The following UNC13C variants were observed in gnomAD, a reference collection of about 807,000 sequenced individuals.
The protein encoded by UNC13C is protein unc-13 homolog C.
Under a neutral mutation model 245.4 loss-of-function variants are expected in UNC13C, and 174 were observed. That is an observed-to-expected ratio of 0.71 (90% CI 0.63 to 0.80). UNC13C has a LOEUF of 0.80. Among genes scored for constraint, UNC13C ranks in the 30% least tolerant of loss-of-function variants. The pLI is 0.00. For synonymous variants in UNC13C, 992 were observed against 895.1 expected (o/e 1.11, Z -1.93); for missense variants, 2,829 against 2,602.9 (o/e 1.09, Z -1.89).
At chr15:54,616,861 A>C (rs532058410) in intron 30 of UNC13C, among the ~76,000 whole-genome samples, 5 of 152,150 alleles carry the variant, frequency 3.3e-5, no homozygotes, top group African/African-American at 1.2e-4. Flanking sequence ...TTTCAATCCC[A>C]CAAGCTCCAT....
At chr15:53,851,839 G>A in the UNC13C span, among the ~76,000 whole-genome samples, 2 of 152,232 alleles carry the variant, frequency 1.3e-5, no homozygotes, top group Non-Finnish European at 2.9e-5. Flanking sequence ...AACATGTGGA[G>A]GTTGCTGGAA....
chr15:53,902,713 A>C, the UNC13C span, among the ~76,000 whole-genome samples: 1 of 152,220 alleles, frequency 6.6e-6, no homozygotes, highest in Non-Finnish European at 1.5e-5. Context: ...AAAATTTGGA[A>C]TGATAGAAGC....
intron 4 of UNC13C, among the ~76,000 whole-genome samples, chr15:54,169,254 C>T (rs746905015): frequency 6.6e-6 from 1 of 152,134 alleles, no homozygotes; most frequent in Non-Finnish European, 1.5e-5. Flanking sequence ...ATTTCCCAAG[C>T]CTATTTGATA....
intron 17 of UNC13C, among the ~76,000 whole-genome samples, chr15:54,358,978 A>G (rs950979091): frequency 2.6e-5 from 4 of 151,914 alleles, no homozygotes; most frequent in African/African-American, 9.7e-5. Flanking sequence ...ATTGTGTTGA[A>G]GTATATTACT....
At chr15:54,624,063 G>GT in intron 32 of UNC13C, 109 bp downstream of exon 32, 1 of 1,357,618 alleles carries the variant, frequency 7.4e-7, no homozygotes, top group Non-Finnish European at 1.0e-6. Context: ...AGAAGGCTCT[G>GT]TTTTTAGTTC....
intron 19 of UNC13C, among the ~76,000 whole-genome samples, chr15:54,448,312 C>T (rs576276878): frequency 1.3e-5 from 2 of 152,248 alleles, no homozygotes; most frequent in South Asian, 2.1e-4. Flanking sequence ...GAGCTGAGTT[C>T]AATTCCTGGA....
At chr15:54,415,345 T>C (rs1445355238) in intron 19 of UNC13C, among the ~76,000 whole-genome samples, 2 of 152,164 alleles carry the variant, frequency 1.3e-5, no homozygotes, top group South Asian at 2.1e-4. Context: ...TACTTTATGG[T>C]AGTTCATTTA....
At chr15:54,026,951 C>G (rs1190083230) in intron 2 of UNC13C, among the ~76,000 whole-genome samples, 1 of 152,090 alleles carries the variant, frequency 6.6e-6, no homozygotes, top group Non-Finnish European at 1.5e-5. Flanking sequence ...TTGTTTCCAA[C>G]TTTGATAATG....
At chr15:54,455,164 C>CCT (rs1203605020) in intron 19 of UNC13C, among the ~76,000 whole-genome samples, 262 of 17,470 alleles carry the variant, frequency 0.015, 11 homozygotes, top group Non-Finnish European at 0.019. Context: ...GAGTCATATT[C>CCT]CTCTCTCTCT....
chr15:53,875,092 A>G, the UNC13C span, among the ~76,000 whole-genome samples: 1 of 140,266 alleles, frequency 7.1e-6, no homozygotes, highest in African/African-American at 2.6e-5. Flanking sequence ...ACTCCGTCTC[A>G]AAATTAAAAA....
At chr15:54,595,337 C>T (rs1252279927) in intron 30 of UNC13C, among the ~76,000 whole-genome samples, 4 of 152,000 alleles carry the variant, frequency 2.6e-5, no homozygotes, top group Non-Finnish European at 1.5e-5. Flanking sequence ...CAGGGAAGAC[C>T]AACTCAACTG....
the UNC13C span, among the ~76,000 whole-genome samples, chr15:53,880,852 G>T: frequency 6.6e-6 from 1 of 152,012 alleles, no homozygotes; most frequent in African/African-American, 2.4e-5. Context: ...TACCCAAGTG[G>T]GTTTTAGGAT....
chr15:54,601,881 A>G (rs1899451114), intron 30 of UNC13C, among the ~76,000 whole-genome samples: 1 of 152,194 alleles, frequency 6.6e-6, no homozygotes. Context: ...ACTGGGGAAG[A>G]GCATGGCCTG....
At chr15:54,045,428 T>A (rs1444340272) in intron 2 of UNC13C, among the ~76,000 whole-genome samples, 1 of 152,220 alleles carries the variant, frequency 6.6e-6, no homozygotes, top group Non-Finnish European at 1.5e-5. Context: ...TTCCCCTGAA[T>A]AATACAATTG....
the UNC13C span, among the ~76,000 whole-genome samples, chr15:53,875,030 T>C: frequency 0.042 from 6,343 of 151,980 alleles, 279 homozygotes; most frequent in African/African-American, 0.1. Context: ...GAGGTGGAGG[T>C]TGCAGTGAGC....
At chr15:54,603,554 T>C (rs1252480548) in intron 30 of UNC13C, among the ~76,000 whole-genome samples, 1 of 152,030 alleles carries the variant, frequency 6.6e-6, no homozygotes, top group Non-Finnish European at 1.5e-5. Context: ...ACCATTCACA[T>C]GTGGATAGGA....
the UNC13C span, among the ~76,000 whole-genome samples, chr15:53,942,851 C>T: frequency 3.3e-5 from 5 of 152,238 alleles, no homozygotes; most frequent in East Asian, 5.8e-4. Context: ...TTAGTAGACA[C>T]GGGGTTTCGC....
intron 2 of UNC13C, among the ~76,000 whole-genome samples, chr15:54,052,938 T>A (rs984986889): frequency 6.6e-6 from 1 of 152,178 alleles, no homozygotes; most frequent in Non-Finnish European, 1.5e-5. Flanking sequence ...AAATCCACAA[T>A]TACTTTGCAC....
At chr15:54,259,497 A>G (rs570484790) in intron 8 of UNC13C, among the ~76,000 whole-genome samples, 26 of 152,284 alleles carry the variant, frequency 1.7e-4, no homozygotes, top group Middle Eastern at 6.8e-3. Flanking sequence ...AAACCATCAG[A>G]TCTCATGAGA....
Sources: gnomAD v4.1 joint callset for allele counts (sites outside exome capture counted in the v4.1 genomes callset) on GRCh38, gnomAD v4.1.1 for gene constraint, MANE v1.5 for transcripts, NCBI Gene and HGNC (gene_info 2026-07-23, HGNC 2026-07-21) for gene names.